The following DACH2 variants were observed in gnomAD, a reference collection of about 807,000 sequenced individuals.
DACH2 encodes the protein dachshund family transcription factor 2.
DACH2 carries 17 observed loss-of-function variants against 35.8 expected under a neutral mutation model. The observed-to-expected ratio is 0.48, with a 90% CI of 0.33 to 0.71. DACH2 has a LOEUF of 0.71. Among genes scored for constraint, DACH2 ranks in the 30% least tolerant of loss-of-function variants. The pLI is 0.02. For missense variants in DACH2, 469 were observed against 472.7 expected, an observed-to-expected ratio of 0.99 and a Z score of 0.07; for synonymous variants, 195 against 177.3, an observed-to-expected ratio of 1.10 and a Z score of -0.79.
At chrX:86,157,935 T>C (rs1302024106) in intron 1 of DACH2, among the ~76,000 whole-genome samples, 1 of 111,239 alleles carries the variant, frequency 9.0e-6, no homozygotes, top group African/African-American at 3.3e-5. Context: ...GACTATACTA[T>C]CTCTTAATGG....
chrX:86,768,632 AATTAT>A (rs760854014), intron 7 of DACH2, among the ~76,000 whole-genome samples: 83 of 111,421 alleles, frequency 7.4e-4, no homozygotes, highest in African/African-American at 2.6e-3. Flanking sequence ...GTCCCAAAGT[AATTAT>A]ATTTATTTAT....
intron 7 of DACH2, among the ~76,000 whole-genome samples, chrX:86,748,007 T>C (rs1345924972): frequency 1.8e-5 from 2 of 112,340 alleles, no homozygotes; most frequent in Non-Finnish European, 3.8e-5. Flanking sequence ...TCCGTCTCAG[T>C]AAACCATGTT....
chrX:86,515,720 T>A (rs767102270), intron 3 of DACH2, among the ~76,000 whole-genome samples: 1 of 112,615 alleles, frequency 8.9e-6, no homozygotes, highest in Non-Finnish European at 1.9e-5. Context: ...GAATTTTATA[T>A]GTTCTCCTTC....
At chrX:86,591,347 A>G (rs1327480326) in intron 3 of DACH2, among the ~76,000 whole-genome samples, 8 of 111,175 alleles carry the variant, frequency 7.2e-5, no homozygotes, top group African/African-American at 2.6e-4. Flanking sequence ...CAGTAATGGG[A>G]TGGCTGGGTC....
chrX:86,305,009 G>A (rs933049554), intron 1 of DACH2: 27 of 146,725 alleles, frequency 1.8e-4, no homozygotes, highest in Non-Finnish European at 4.0e-4. Context: ...GGCCATGGAG[G>A]CTGAAGTGCA....
chrX:86,403,370 G>T (rs1267513337), intron 2 of DACH2, among the ~76,000 whole-genome samples: 1 of 111,640 alleles, frequency 9.0e-6, no homozygotes, highest in Non-Finnish European at 1.9e-5. Flanking sequence ...AATGGACAAA[G>T]GACATGAACA....
intron 1 of DACH2, among the ~76,000 whole-genome samples, chrX:86,284,471 T>C (rs2034104481): frequency 9.0e-6 from 1 of 111,540 alleles, no homozygotes; most frequent in Non-Finnish European, 1.9e-5. Flanking sequence ...TTTACGTTTA[T>C]TGTTGAATTT....
chrX:86,278,149 G>A (rs1197395475), intron 1 of DACH2, among the ~76,000 whole-genome samples: 1 of 111,677 alleles, frequency 9.0e-6, no homozygotes, highest in African/African-American at 3.3e-5. Context: ...GAATACTGGT[G>A]AAACCATTAT....
chrX:86,278,661 C>G (rs963381188), intron 1 of DACH2, among the ~76,000 whole-genome samples: 1 of 111,357 alleles, frequency 9.0e-6, no homozygotes, highest in Non-Finnish European at 1.9e-5. Flanking sequence ...TCTTTTATAC[C>G]CCAGTGACAC....
intron 2 of DACH2, among the ~76,000 whole-genome samples, chrX:86,513,514 T>A (rs2038423954): frequency 8.9e-6 from 1 of 112,146 alleles, no homozygotes; most frequent in Non-Finnish European, 1.9e-5. Flanking sequence ...ACTTTTTATT[T>A]CATTATTAGC....
intron 1 of DACH2, among the ~76,000 whole-genome samples, chrX:86,260,352 C>T (rs1049882717): frequency 1.8e-5 from 2 of 111,138 alleles, no homozygotes; most frequent in African/African-American, 6.6e-5. Context: ...TCTCAAGAAC[C>T]TCCTCTATGT....
chrX:86,218,504 C>A (rs958879876), intron 1 of DACH2, among the ~76,000 whole-genome samples: 4 of 111,700 alleles, frequency 3.6e-5, no homozygotes, highest in Non-Finnish European at 5.6e-5. Flanking sequence ...TTTTAAGTAA[C>A]TGTTATCAGC....
intron 1 of DACH2, among the ~76,000 whole-genome samples, chrX:86,285,450 T>A (rs1364955953): frequency 8.9e-6 from 1 of 112,089 alleles, no homozygotes; most frequent in Non-Finnish European, 1.9e-5. Context: ...TAGAAGCATA[T>A]GGTTTAATTT....
chrX:86,722,257 AT>A lies in DACH2; in HGVS notation c.1104+7545del, dbSNP rs750186114. On this transcript the variant is annotated intron_variant, in intron 6 of 11. Coordinates refer to ENST00000373125, the MANE Select transcript of DACH2 (RefSeq NM_053281.3). ...CTCTTTTATCATGAAGGGAAGTTGG[AT>A]TTTTTTTAAACGCATTTTCTGCATG... Among the ~76,000 whole-genome samples, 208 of 111,524 alleles carry A rather than the reference AT, an allele frequency of 1.9e-3. 6 individuals carry two copies. The highest frequency in any genetic ancestry group is 5.7e-4 in the East Asian group (2 of 3,535).
chrX:86,580,388 A>G (rs1020417493), intron 3 of DACH2, among the ~76,000 whole-genome samples: 1 of 111,587 alleles, frequency 9.0e-6, no homozygotes, highest in African/African-American at 3.3e-5. Context: ...ACTATGCTGA[A>G]ATGGTGTAAA....
intron 1 of DACH2, among the ~76,000 whole-genome samples, chrX:86,180,598 T>C (rs967687217): frequency 9.0e-6 from 1 of 110,920 alleles, no homozygotes; most frequent in Non-Finnish European, 1.9e-5. Context: ...TTCTCTTACA[T>C]GTGCTGGTTC....
intron 3 of DACH2, among the ~76,000 whole-genome samples, chrX:86,574,703 T>C (rs1034148428): frequency 6.3e-5 from 7 of 111,882 alleles, no homozygotes; most frequent in Non-Finnish European, 1.3e-4. Context: ...GCATTGTTTA[T>C]TAAATAGGAG....
chrX:86,610,418 T>TTTCTTTTCTTTC (rs1491456126), intron 3 of DACH2, among the ~76,000 whole-genome samples: 7 of 62,209 alleles, frequency 1.1e-4, no homozygotes, highest in African/African-American at 4.6e-4. Flanking sequence ...TCTTTCTTTC[T>TTTCTTTTCTTTC]TTTCTTTCTT....
intron 3 of DACH2, among the ~76,000 whole-genome samples, chrX:86,585,538 T>G (rs138351335): frequency 0.022 from 2,429 of 110,741 alleles, 79 homozygotes; most frequent in African/African-American, 0.076. Context: ...TTTTCTGATC[T>G]TTTCTGATCC....
Sources: allele counts gnomAD v4.1 joint callset (sites outside exome capture counted in the v4.1 genomes callset), GRCh38; gene constraint gnomAD v4.1.1; transcripts MANE v1.5; gene names NCBI Gene and HGNC (gene_info 2026-07-23, HGNC 2026-07-21).